WDR47: variants seen among roughly 807,000 people sequenced by gnomAD.
WDR47 encodes the protein WD repeat domain 47, also known as WD repeat-containing protein 47.
Under a neutral mutation model 97.2 loss-of-function variants are expected in WDR47, and 32 were observed. The ratio of observed to expected loss-of-function variants is 0.33; its 90% CI spans 0.25 to 0.44. The LOEUF is 0.44. Ranked by LOEUF, WDR47 falls within the 20% of genes least tolerant of loss-of-function variation. WDR47 has a pLI of 1.00. For synonymous variants in WDR47, 375 were observed against 373.5 expected (o/e 1.00, Z -0.05); for missense variants, 782 against 1,102.3 (o/e 0.71, Z 4.11).
At chr1:109,038,626 C>A (rs1452602273) in intron 1 of WDR47, among the ~76,000 whole-genome samples, 3 of 151,298 alleles carry the variant, frequency 2.0e-5, no homozygotes, top group African/African-American at 7.3e-5. Flanking sequence ...CTGCAGTGGG[C>A]TATCATCATG....
At chr1:108,979,860 C>G (rs1268652360) in intron 13 of WDR47, among the ~76,000 whole-genome samples, 2 of 152,162 alleles carry the variant, frequency 1.3e-5, no homozygotes, top group Non-Finnish European at 1.5e-5. Flanking sequence ...AACCAGGGGT[C>G]CCCAAGCCCC....
intron 1 of WDR47, among the ~76,000 whole-genome samples, chr1:109,039,557 C>T (rs556583224): frequency 3.3e-5 from 5 of 152,216 alleles, no homozygotes; most frequent in Non-Finnish European, 7.4e-5. Flanking sequence ...CACGCCCAGC[C>T]GGTATAAACC....
intron 10 of WDR47, among the ~76,000 whole-genome samples, chr1:108,984,606 G>A (rs1658619645): frequency 6.6e-6 from 1 of 152,176 alleles, no homozygotes; most frequent in Non-Finnish European, 1.5e-5. Flanking sequence ...TAGGCAGGGT[G>A]TGATGGCTCA....
At chr1:108,982,811 A>G (rs1337670265) in intron 11 of WDR47, 32 bp from the exon 12 acceptor site, 1 of 1,562,422 alleles carries the variant, frequency 6.4e-7, no homozygotes, top group Non-Finnish European at 8.7e-7. Flanking sequence ...AAAAAAAAAA[A>G]TGCTGCTCAA....
intron 1 of WDR47, among the ~76,000 whole-genome samples, chr1:109,025,875 GTC>G (rs1267166619): frequency 6.6e-6 from 1 of 152,100 alleles, no homozygotes; most frequent in African/African-American, 2.4e-5. Context: ...GTAAGAATAT[GTC>G]TGTCTCAGGA....
At chr1:109,014,076 C>T in intron 3 of WDR47, 151 bp from the exon 4 acceptor site, 5 of 556,150 alleles carry the variant, frequency 9.0e-6, no homozygotes. Flanking sequence ...AGTTCAGTCA[C>T]AAGTAATCAC....
intron 1 of WDR47, among the ~76,000 whole-genome samples, chr1:109,034,354 A>G (rs1275161481): frequency 6.6e-6 from 1 of 152,242 alleles, no homozygotes; most frequent in East Asian, 1.9e-4. Context: ...CTGCAAAAAT[A>G]CTTGCAAATA....
chr1:109,020,404 G>A (rs574330759), intron 2 of WDR47, among the ~76,000 whole-genome samples: 1 of 151,894 alleles, frequency 6.6e-6, no homozygotes, highest in East Asian at 1.9e-4. Flanking sequence ...AGGACTACAG[G>A]CACCCGCCAC....
intron 7 of WDR47, 112 bp from the exon 8 acceptor site, chr1:108,995,949 T>C: frequency 1.8e-6 from 2 of 1,092,972 alleles, no homozygotes; most frequent in South Asian, 3.3e-5. Context: ...ATATATAATC[T>C]ATGGCAAATT....
At chr1:109,029,152 C>T (rs1662436906) in intron 1 of WDR47, among the ~76,000 whole-genome samples, 1 of 151,970 alleles carries the variant, frequency 6.6e-6, no homozygotes, top group South Asian at 2.1e-4. Context: ...CTTAGTAAAC[C>T]AAGATTAGAA....
At position 108,983,351 on chromosome 1, in the gene WDR47, A is replaced by C. The variant is rs780284353; in HGVS notation, c.2026T>G (p.Leu676Val). ...CVAWSPCGQLLATGSNDKYVK... is the reference protein window; with the variant it reads ...CVAWSPCGQLVATGSNDKYVK... The stretch of plus-strand genomic sequence containing the variant: ...TATTTGTCATTTGATCCTGTTGCTA[A>C]TAACTGCCCACAAGGACTCCAGGCC... Residue 676 changes from leucine to valine, a missense_variant, in exon 11 of 15, where the codon TTA (leucine) becomes GTA (valine). Leu to Val is a conservative substitution (Grantham distance 32). Around this residue, in one of 3 missense-constraint regions of WDR47, gnomAD observed 228 missense variants for 396.7 expected, o/e 0.57. Transcript: ENST00000369962. The C allele has an allele frequency of 4.3e-6, 7 of 1,612,814 alleles. No homozygotes were observed. In the African/African-American group the frequency reaches 9.4e-5, roughly 22 times the overall value.
intron 7 of WDR47, among the ~76,000 whole-genome samples, chr1:108,997,166 C>A (rs574210895): frequency 1.3e-4 from 19 of 151,608 alleles, no homozygotes; most frequent in African/African-American, 4.4e-4. Context: ...TGGCTCACGC[C>A]TATAATCCCA....
intron 1 of WDR47, among the ~76,000 whole-genome samples, chr1:109,038,390 A>T (rs903134283): frequency 1.3e-5 from 2 of 152,206 alleles, no homozygotes; most frequent in African/African-American, 4.8e-5. Flanking sequence ...TAATTTAAAA[A>T]ATATCGAGCC....
chr1:109,012,400 C>T (rs560374351), intron 4 of WDR47, among the ~76,000 whole-genome samples: 68 of 151,710 alleles, frequency 4.5e-4, no homozygotes, highest in African/African-American at 1.5e-3. Context: ...AGTGAAACCC[C>T]GTCTCTAATA....
In WDR47 at chr1:108,979,992, T is replaced by G. The variant is rs145585309; in HGVS notation, c.2398+1741A>C. ...CCTCCTGTCAGATCAGTGGTGGCAT[T>G]AGATGCTCACAGGAGCGGGAACCCT... is the stretch of plus-strand genomic sequence containing the variant. On this transcript the variant is annotated intron_variant, in intron 13 of 14. Transcript: ENST00000369962. 6.1e-3 allele frequency among the ~76,000 whole-genome samples: 936 copies of G among 152,282 alleles called. 2 individuals are homozygous for G. The highest frequency in any genetic ancestry group is 0.021 in the African/African-American group (863 of 41,548).
intron 7 of WDR47, among the ~76,000 whole-genome samples, chr1:108,997,380 C>G (rs145908230): frequency 6.4e-4 from 96 of 150,454 alleles, no homozygotes; most frequent in African/African-American, 2.2e-3. Flanking sequence ...GAGGTCAAGG[C>G]TGCAATGGGC....
intron 13 of WDR47, 50 bp from the exon 14 acceptor site, chr1:108,974,804 A>C: frequency 2.2e-6 from 3 of 1,350,794 alleles, no homozygotes; most frequent in Non-Finnish European, 3.1e-6. Context: ...ATATACCCAA[A>C]TGGCAACACA....
chr1:109,011,855 A>G (rs551842892), intron 4 of WDR47, 137 bp from the exon 5 acceptor site: 22 of 782,284 alleles, frequency 2.8e-5, no homozygotes, highest in Non-Finnish European at 4.3e-5. Context: ...ACAGCTTTCA[A>G]GATAGGAACA....
At chr1:109,014,031 T>A (rs1661229129) in intron 3 of WDR47, 106 bp from the exon 4 acceptor site, 4 of 752,168 alleles carry the variant, frequency 5.3e-6, no homozygotes, top group Non-Finnish European at 8.6e-6. Flanking sequence ...TCAAATAATT[T>A]ACTAGGCTTC....
Sources: allele counts gnomAD v4.1 joint callset (sites outside exome capture counted in the v4.1 genomes callset), GRCh38; gene constraint gnomAD v4.1.1; regional missense constraint gnomAD v4.1.1; transcripts MANE v1.5; gene names NCBI Gene and HGNC (gene_info 2026-07-23, HGNC 2026-07-21).